The following SORCS3 variants were observed in gnomAD, a reference collection of about 807,000 sequenced individuals.
SORCS3 encodes sortilin related VPS10 domain containing receptor 3.
SORCS3 carries 57 observed loss-of-function variants against 146.3 expected under a neutral mutation model. The observed-to-expected ratio is 0.39, with a 90% confidence interval of 0.31 to 0.49. The LOEUF (loss-of-function observed/expected upper bound fraction) is 0.49, where lower values mean the gene tolerates loss of function less well. Among genes scored for constraint, SORCS3 ranks in the 20% least tolerant of loss-of-function variants. The pLI, the probability that SORCS3 is intolerant of heterozygous loss-of-function variation, is 0.92. For synonymous variants in SORCS3, 653 were observed against 618.5 expected (o/e 1.06, Z -0.83); for missense variants, 1,341 against 1,575.5 (o/e 0.85, Z 2.52).
chr10:104,669,257 T>A (rs553436799), intron 1 of SORCS3, among the ~76,000 whole-genome samples: 19 of 152,204 alleles, frequency 1.2e-4, no homozygotes, highest in South Asian at 2.1e-4. Context: ...AACATAAAAG[T>A]TTACCATCTT....
chr10:104,727,411 C>T (rs571876755), intron 1 of SORCS3, among the ~76,000 whole-genome samples: 1 of 152,124 alleles, frequency 6.6e-6, no homozygotes, highest in East Asian at 1.9e-4. Flanking sequence ...GTGTGCATCC[C>T]TCCAACGTCT....
At chr10:104,731,286 T>G (rs987578458) in intron 1 of SORCS3, among the ~76,000 whole-genome samples, 14 of 152,184 alleles carry the variant, frequency 9.2e-5, no homozygotes, top group African/African-American at 3.4e-4. Flanking sequence ...AAATAAATGA[T>G]CTTTGGGGAT....
At chr10:104,732,397 C>T (rs945845785) in intron 1 of SORCS3, among the ~76,000 whole-genome samples, 4 of 152,124 alleles carry the variant, frequency 2.6e-5, no homozygotes, top group African/African-American at 7.2e-5. Context: ...GTTCCTAAAC[C>T]GTAGTGCTTG....
At position 105,238,861 on chromosome 10, in the gene SORCS3, A is replaced by G. The variant is rs556291295; in HGVS notation, c.2869-6681A>G. 5.9e-5 allele frequency among the ~76,000 whole-genome samples: 9 copies of G among 152,304 alleles called. No homozygotes were observed. The South Asian group carries it at 1.9e-3, about 32-fold the overall frequency. On this transcript the variant is annotated intron_variant, in intron 20 of 26. Coordinates refer to ENST00000369701, the MANE Select transcript of SORCS3 (RefSeq NM_014978.3). ...CATAAAAGTATGGGAGTTTTGGTTT[A>G]CTACCTTCAACTATTTATCATCTTT...
intron 25 of SORCS3, among the ~76,000 whole-genome samples, chr10:105,261,999 G>T (rs1004808631): frequency 6.6e-6 from 1 of 152,170 alleles, no homozygotes; most frequent in Non-Finnish European, 1.5e-5. Context: ...TCAAAGTCTA[G>T]CTCCTTTAAA....
rs545133169 is a variant in SORCS3 at position 104,933,300 on chromosome 10, CT to C, written c.795+17369del. On this transcript the variant is annotated intron_variant, in intron 3 of 26. Coordinates refer to ENST00000369701, the MANE Select transcript of SORCS3 (RefSeq NM_014978.3). Reference sequence around the variant, plus strand: ...CTTCTAGAGCATTGGTCTTTGTCCTCTGGCTATTTTTTTTTTTTTTATAATG... The same window carrying C: ...CTTCTAGAGCATTGGTCTTTGTCCTCGGCTATTTTTTTTTTTTTTATAATG... Among the ~76,000 whole-genome samples, 24 of 132,682 alleles carry C rather than the reference CT, an allele frequency of 1.8e-4. 1 individual carries two copies. In the South Asian group the frequency reaches 5.8e-3, roughly 32 times the overall value. 87.0% of individuals were successfully genotyped at this position (132,682 alleles called of 152,430 possible).
chr10:104,645,730 C>G (rs942827798), intron 1 of SORCS3, among the ~76,000 whole-genome samples: 3 of 152,224 alleles, frequency 2.0e-5, no homozygotes, highest in African/African-American at 4.8e-5. Context: ...AACACAGATT[C>G]TCCCAGGCAG....
At chr10:105,077,026 A>T (rs949606929) in intron 5 of SORCS3, among the ~76,000 whole-genome samples, 1 of 152,200 alleles carries the variant, frequency 6.6e-6, no homozygotes, top group Non-Finnish European at 1.5e-5. Context: ...GCCTCTTGAC[A>T]TGCATATGCT....
chr10:104,769,783 A>C (rs1247207975), intron 1 of SORCS3, among the ~76,000 whole-genome samples: 1 of 152,120 alleles, frequency 6.6e-6, no homozygotes, highest in Non-Finnish European at 1.5e-5. Context: ...GCGACCTTGA[A>C]TAGGACTTTC....
intron 14 of SORCS3, among the ~76,000 whole-genome samples, chr10:105,188,562 T>C (rs183030990): frequency 1.3e-5 from 2 of 152,154 alleles, no homozygotes; most frequent in Non-Finnish European, 2.9e-5. Context: ...GAGGTAAGAA[T>C]GGGAAATAGA....
At chr10:104,951,746 C>G (rs1292378447) in intron 3 of SORCS3, among the ~76,000 whole-genome samples, 2 of 152,078 alleles carry the variant, frequency 1.3e-5, no homozygotes, top group South Asian at 4.1e-4. Flanking sequence ...TATTTTGAAC[C>G]CTGGAGAAAA....
chr10:105,237,180 G>T (rs2056797582), intron 20 of SORCS3, among the ~76,000 whole-genome samples: 1 of 152,158 alleles, frequency 6.6e-6, no homozygotes, highest in Non-Finnish European at 1.5e-5. Flanking sequence ...ATACATGAGA[G>T]GCAGTAGAAT....
chr10:104,991,982 A>G (rs1335597283), intron 4 of SORCS3, among the ~76,000 whole-genome samples: 1 of 152,196 alleles, frequency 6.6e-6, no homozygotes, highest in African/African-American at 2.4e-5. Flanking sequence ...AGACATATGC[A>G]TGTCAAGGTT....
At chr10:105,042,769 A>C (rs2055345815) in intron 4 of SORCS3, among the ~76,000 whole-genome samples, 1 of 152,164 alleles carries the variant, frequency 6.6e-6, no homozygotes, top group African/African-American at 2.4e-5. Flanking sequence ...GGGAGCACAG[A>C]ATCTGCCTCT....
intron 1 of SORCS3, among the ~76,000 whole-genome samples, chr10:104,650,510 G>A (rs1318903235): frequency 2.6e-5 from 4 of 152,116 alleles, no homozygotes; most frequent in Non-Finnish European, 5.9e-5. Context: ...ATACAAACAC[G>A]TTCATTCAGC....
At chr10:104,761,434 G>A (rs1365869836) in intron 1 of SORCS3, among the ~76,000 whole-genome samples, 1 of 152,186 alleles carries the variant, frequency 6.6e-6, no homozygotes, top group Non-Finnish European at 1.5e-5. Context: ...TACAGGCCAA[G>A]TGTTCTGAGT....
intron 1 of SORCS3, among the ~76,000 whole-genome samples, chr10:104,646,531 G>C (rs1313470880): frequency 6.6e-6 from 1 of 152,182 alleles, no homozygotes; most frequent in Non-Finnish European, 1.5e-5. Context: ...GCAGAGAGGT[G>C]CAACAAAGCA....
chr10:105,220,502 T>C (rs1018564474), intron 19 of SORCS3, among the ~76,000 whole-genome samples: 1 of 152,156 alleles, frequency 6.6e-6, no homozygotes, highest in African/African-American at 2.4e-5. Flanking sequence ...AGCTGCATCA[T>C]TGCTTAACTG....
At chr10:105,209,060 C>G (rs1311616889) in intron 16 of SORCS3, among the ~76,000 whole-genome samples, 2 of 152,198 alleles carry the variant, frequency 1.3e-5, no homozygotes, top group Non-Finnish European at 2.9e-5. Flanking sequence ...CTACTCTCTG[C>G]AGTCCACATT....
Sources: gnomAD v4.1 joint callset for allele counts (sites outside exome capture counted in the v4.1 genomes callset) on GRCh38, gnomAD v4.1.1 for gene constraint, MANE v1.5 for transcripts, NCBI Gene and HGNC (gene_info 2026-07-23, HGNC 2026-07-21) for gene names.